LINGO2: variants seen among roughly 807,000 people sequenced by gnomAD.
LINGO2 encodes the protein leucine-rich repeat and immunoglobulin-like domain-containing nogo receptor-interacting protein 2.
LINGO2 carries 14 observed loss-of-function variants against 30.6 expected under a neutral mutation model. That is an observed-to-expected ratio of 0.46 (90% CI 0.30 to 0.72). The LOEUF is 0.72. LINGO2 is among the 30% of genes least tolerant of loss of function. The pLI, the probability that LINGO2 is intolerant of heterozygous loss-of-function variation, is 0.07. For missense variants in LINGO2, 729 were observed against 751.7 expected (o/e 0.97, Z 0.35); for synonymous variants, 317 against 288.5 (o/e 1.10, Z -1.00).
chr9:28,798,518 T>G, the LINGO2 span, among the ~76,000 whole-genome samples: 3 of 152,076 alleles, frequency 2.0e-5, no homozygotes, highest in Non-Finnish European at 4.4e-5. Flanking sequence ...ATTTTCTCAT[T>G]AAAATAGGAT....
the LINGO2 span, among the ~76,000 whole-genome samples, chr9:28,847,823 A>G: frequency 2.6e-5 from 1 of 38,448 alleles, no homozygotes; most frequent in African/African-American, 8.1e-5. Context: ...ATATATACAT[A>G]TATATGTATA....
At chr9:28,133,815 C>T (rs1827440632) in intron 4 of LINGO2, among the ~76,000 whole-genome samples, 1 of 152,102 alleles carries the variant, frequency 6.6e-6, no homozygotes, top group African/African-American at 2.4e-5. Context: ...TTTCATTAAA[C>T]TCTCTCCAAA....
At chr9:29,187,186 C>T in the LINGO2 span, among the ~76,000 whole-genome samples, 264 of 152,262 alleles carry the variant, frequency 1.7e-3, 1 homozygote, top group African/African-American at 6.0e-3. Flanking sequence ...AATCAATTCA[C>T]TTTCATAGAT....
chr9:28,019,672 A>G (rs1447031689), intron 4 of LINGO2, among the ~76,000 whole-genome samples: 1 of 152,106 alleles, frequency 6.6e-6, no homozygotes, highest in African/African-American at 2.4e-5. Context: ...TTGCTTATCT[A>G]TACTTTCTGA....
the LINGO2 span, among the ~76,000 whole-genome samples, chr9:28,709,665 T>G: frequency 6.6e-6 from 1 of 151,976 alleles, no homozygotes; most frequent in Admixed American, 6.6e-5. Context: ...ACTTCATTTA[T>G]CTAAATATAG....
At chr9:28,802,684 C>A in the LINGO2 span, among the ~76,000 whole-genome samples, 120,767 of 151,754 alleles carry the variant, frequency 0.8, 48,043 homozygotes, top group East Asian at 0.89. Flanking sequence ...AAAAAGAATA[C>A]TTAAAAAATA....
chr9:28,190,873 A>G (rs1819800051), intron 4 of LINGO2, among the ~76,000 whole-genome samples: 1 of 152,206 alleles, frequency 6.6e-6, no homozygotes, highest in African/African-American at 2.4e-5. Context: ...TAAAGATGAT[A>G]TTAATGAATT....
the LINGO2 span, among the ~76,000 whole-genome samples, chr9:29,134,904 A>G: frequency 6.6e-6 from 1 of 152,090 alleles, no homozygotes; most frequent in African/African-American, 2.4e-5. Context: ...TGGTAAATTA[A>G]TAGCATCCAC....
the LINGO2 span, among the ~76,000 whole-genome samples, chr9:28,962,986 T>G: frequency 6.6e-6 from 1 of 151,976 alleles, no homozygotes; most frequent in African/African-American, 2.4e-5. Flanking sequence ...TTTCTATATT[T>G]CATTGTCCAT....
the LINGO2 span, among the ~76,000 whole-genome samples, chr9:29,039,542 C>A: frequency 1.3e-5 from 2 of 152,300 alleles, no homozygotes; most frequent in South Asian, 4.1e-4. Context: ...GAAGCCTCTT[C>A]TCGCCTAGTT....
chr9:28,334,560 T>A (rs975018871), intron 3 of LINGO2, among the ~76,000 whole-genome samples: 1 of 152,130 alleles, frequency 6.6e-6, no homozygotes, highest in African/African-American at 2.4e-5. Flanking sequence ...CTCAGAACAA[T>A]GCCTGGTATG....
chr9:28,955,193 A>T, the LINGO2 span, among the ~76,000 whole-genome samples: 644 of 145,494 alleles, frequency 4.4e-3, 5 homozygotes, highest in African/African-American at 0.015. Context: ...AGAGTGTGTG[A>T]GAGAGAGAGA....
chr9:29,066,453 T>C, the LINGO2 span, among the ~76,000 whole-genome samples: 1 of 152,014 alleles, frequency 6.6e-6, no homozygotes, highest in African/African-American at 2.4e-5. Flanking sequence ...ATATAAAGGT[T>C]ACTGTAAGTG....
At chr9:28,002,269 T>C (rs7022833) in intron 5 of LINGO2, among the ~76,000 whole-genome samples, 25,354 of 152,036 alleles carry the variant, frequency 0.17, 2,063 homozygotes, top group African/African-American at 0.2. Context: ...CCCTCCATTT[T>C]TTTTTTGTTC....
At chr9:28,100,543 T>C (rs550047990) in intron 4 of LINGO2, among the ~76,000 whole-genome samples, 1 of 152,338 alleles carries the variant, frequency 6.6e-6, no homozygotes, top group East Asian at 1.9e-4. Context: ...TGTAGTCACA[T>C]TTGAGTCCAA....
chr9:28,754,017 AAC>A, the LINGO2 span, among the ~76,000 whole-genome samples: 93,856 of 145,922 alleles, frequency 0.64, 32,024 homozygotes, highest in Non-Finnish European at 0.76. Flanking sequence ...CACACACACA[AAC>A]ACACACACAC....
chr9:29,147,379 T>G, the LINGO2 span, among the ~76,000 whole-genome samples: 1 of 152,140 alleles, frequency 6.6e-6, no homozygotes, highest in South Asian at 2.1e-4. Flanking sequence ...CTGCCCCGCT[T>G]TAATTTACGG....
chr9:28,102,837 G>A (rs1237300422), intron 4 of LINGO2, among the ~76,000 whole-genome samples: 1 of 152,154 alleles, frequency 6.6e-6, no homozygotes, highest in Non-Finnish European at 1.5e-5. Flanking sequence ...GAAATTAAGT[G>A]GACAGACATT....
intron 4 of LINGO2, among the ~76,000 whole-genome samples, chr9:28,092,551 TG>T (rs528189403): frequency 0.063 from 847 of 13,454 alleles, 2 homozygotes; most frequent in Non-Finnish European, 0.096. Context: ...TGTTGTGCGG[TG>T]GGGGGGAGGG....
Sources: gnomAD v4.1 joint callset for allele counts (sites outside exome capture counted in the v4.1 genomes callset) on GRCh38, gnomAD v4.1.1 for gene constraint, MANE v1.5 for transcripts, NCBI Gene and HGNC (gene_info 2026-07-23, HGNC 2026-07-21) for gene names.